CSMD1: variants seen among roughly 807,000 people sequenced by gnomAD.
The protein encoded by CSMD1 is CUB and Sushi multiple domains 1, also known as CUB and sushi domain-containing protein 1.
A neutral mutation model predicts 417.5 loss-of-function variants in CSMD1; 213 were observed. The ratio of observed to expected loss-of-function variants is 0.51; its 90% CI spans 0.46 to 0.57. The LOEUF (loss-of-function observed/expected upper bound fraction) is 0.57. CSMD1 is among the 20% of genes least tolerant of loss of function. The pLI is 0.00. For missense variants in CSMD1, 6,923 were observed against 4,529.7 expected (o/e 1.53, Z -15.17); for synonymous variants, 2,862 against 1,736.8 (o/e 1.65, Z -16.11).
intron 5 of CSMD1, among the ~76,000 whole-genome samples, chr8:3,795,082 G>A (rs529717437): frequency 7.0e-6 from 1 of 142,334 alleles, no homozygotes; most frequent in Admixed American, 7.3e-5. Context: ...ATCATGTACA[G>A]CTATAGATAT....
In CSMD1 at chr8:3,821,872, G is replaced by A. The variant is rs1209891044; in HGVS notation, c.819-67830C>T. 7.2e-5 allele frequency among the ~76,000 whole-genome samples: 11 copies of A among 152,266 alleles called. 2 individuals carry two copies. In the South Asian group the frequency reaches 1.7e-3, roughly 23 times the overall value. ...GGCAAGGAATATGGGAAAGTCACACGGAGAAGGTAAAAACCATGAACTGTG... is the reference window on the plus strand; with the variant it reads ...GGCAAGGAATATGGGAAAGTCACACAGAGAAGGTAAAAACCATGAACTGTG... On this transcript the variant is annotated intron_variant, in intron 5 of 69. Transcript: ENST00000635120.
At chr8:3,789,329 A>T (rs2129066744) in intron 5 of CSMD1, among the ~76,000 whole-genome samples, 1 of 150,266 alleles carries the variant, frequency 6.7e-6, no homozygotes, top group Admixed American at 6.6e-5. Context: ...CAACAGACTA[A>T]TACAGAGAAT....
chr8:3,848,518 C>G (rs779394211), intron 5 of CSMD1, among the ~76,000 whole-genome samples: 1 of 152,124 alleles, frequency 6.6e-6, no homozygotes, highest in Non-Finnish European at 1.5e-5. Context: ...TAGCAAAAGC[C>G]TGAGAAGTTA....
chr8:4,398,609 A>G (rs1437405774), intron 3 of CSMD1, among the ~76,000 whole-genome samples: 1 of 151,686 alleles, frequency 6.6e-6, no homozygotes, highest in Admixed American at 6.6e-5. Context: ...GTTAGCCAGG[A>G]TTGTCTCGAT....
chr8:4,346,830 T>G (rs562052561), intron 3 of CSMD1, among the ~76,000 whole-genome samples: 1 of 152,218 alleles, frequency 6.6e-6, no homozygotes, highest in Non-Finnish European at 1.5e-5. Context: ...TCCAAGGGGA[T>G]TGAGACTGAG....
intron 23 of CSMD1, among the ~76,000 whole-genome samples, chr8:3,332,385 A>C (rs758359332): frequency 2.0e-5 from 3 of 152,174 alleles, no homozygotes; most frequent in Non-Finnish European, 2.9e-5. Context: ...GACATCTCTG[A>C]GTCTCTCCAG....
chr8:3,703,210 G>C (rs1166642334), intron 7 of CSMD1, among the ~76,000 whole-genome samples: 1 of 152,144 alleles, frequency 6.6e-6, no homozygotes, highest in African/African-American at 2.4e-5. Flanking sequence ...CCGCACAGAA[G>C]AGTTGAAATA....
intron 3 of CSMD1, among the ~76,000 whole-genome samples, chr8:4,388,008 C>G (rs1803572666): frequency 6.6e-6 from 1 of 152,076 alleles, no homozygotes; most frequent in African/African-American, 2.4e-5. Context: ...ATAATTGAAT[C>G]CATTTACACC....
rs553864521 is a variant in CSMD1, at chr8:4,081,292, C to T, written c.416-49193G>A. ...ACGCCCAGCGATTCTCGTCTCCTAG[C>T]AGGTAAGCTCTATGGTCCCCTCCCA... On this transcript the variant is annotated intron_variant, in intron 3 of 69. Coordinates refer to ENST00000635120, the MANE Select transcript of CSMD1 (RefSeq NM_033225.6). Among the ~76,000 whole-genome samples the T allele has an allele frequency of 2.0e-4, 31 of 152,310 alleles. No homozygotes were observed. The South Asian group carries it at 5.4e-3, about 26-fold the overall frequency.
At chr8:4,591,755 C>A (rs1337645427) in intron 2 of CSMD1, among the ~76,000 whole-genome samples, 1 of 152,048 alleles carries the variant, frequency 6.6e-6, no homozygotes, top group Non-Finnish European at 1.5e-5. Flanking sequence ...GGGATAGGAT[C>A]TGTTTTGGAA....
chr8:3,759,725 C>G (rs1311446157), intron 5 of CSMD1, among the ~76,000 whole-genome samples: 1 of 145,926 alleles, frequency 6.9e-6, no homozygotes, highest in Non-Finnish European at 1.5e-5. Context: ...GAAACACCAC[C>G]TCTACTAAAA....
chr8:3,750,668 C>G (rs1797294452), intron 6 of CSMD1, among the ~76,000 whole-genome samples: 1 of 152,128 alleles, frequency 6.6e-6, no homozygotes, highest in Non-Finnish European at 1.5e-5. Context: ...CCCTGCTTGA[C>G]AGAAGGTTTC....
At position 3,142,334 on chromosome 8, in the gene CSMD1, C is replaced by G; in HGVS notation, c.6241+131G>C. ...CAAGTGTTCCACTACTAACCAGAAA[C>G]CAACATTCCACCAAAAAATTATTCC... is the stretch of plus-strand genomic sequence containing the variant. On this transcript the variant is annotated intron_variant, in intron 41 of 69. Transcript: ENST00000635120. 9 of 820,622 alleles carry G rather than the reference C, an allele frequency of 1.1e-5. No individual in the cohort carries two copies. The South Asian group carries it at 1.4e-4, about 13-fold the overall frequency. The allele number at this position is 820,622 out of a possible 1,614,324, so 50.8% of individuals were successfully genotyped here.
chr8:4,211,346 T>C (rs1176569176), intron 3 of CSMD1, among the ~76,000 whole-genome samples: 1 of 152,114 alleles, frequency 6.6e-6, no homozygotes, highest in East Asian at 1.9e-4. Context: ...TCTTTACATT[T>C]CTTTTATTCC....
At position 3,299,051 on chromosome 8, in the gene CSMD1, A is replaced by G. The variant is rs1030450503; in HGVS notation, c.3950+8644T>C. ...TCATGACTCCAACAAAAAATATGAT[A>G]CAACAAAACTTAAATGTAGGTAAGT... On this transcript the variant is annotated intron_variant, in intron 25 of 69. Coordinates refer to ENST00000635120, the MANE Select transcript of CSMD1 (RefSeq NM_033225.6). 3.3e-5 allele frequency among the ~76,000 whole-genome samples: 5 copies of G among 152,340 alleles called. No individual in the cohort carries two copies. In the East Asian group the frequency reaches 9.6e-4, roughly 29 times the overall value.
chr8:3,621,488 C>A (rs755709350), intron 7 of CSMD1, among the ~76,000 whole-genome samples: 1 of 151,972 alleles, frequency 6.6e-6, no homozygotes, highest in Non-Finnish European at 1.5e-5. Flanking sequence ...AGTACTTCAG[C>A]GGAGTATGAT....
chr8:4,335,680 C>A (rs946091031), intron 3 of CSMD1, among the ~76,000 whole-genome samples: 1 of 151,966 alleles, frequency 6.6e-6, no homozygotes, highest in African/African-American at 2.4e-5. Context: ...GTATATTGTG[C>A]AAAATTGTTA....
intron 23 of CSMD1, among the ~76,000 whole-genome samples, chr8:3,313,287 C>A (rs1008831915): frequency 8.5e-5 from 13 of 152,092 alleles, no homozygotes; most frequent in African/African-American, 2.2e-4. Flanking sequence ...ATTAAACTAA[C>A]GAGGTTCTGC....
At chr8:3,730,648 C>A (rs868444658) in intron 6 of CSMD1, among the ~76,000 whole-genome samples, 1 of 152,188 alleles carries the variant, frequency 6.6e-6, no homozygotes, top group African/African-American at 2.4e-5. Context: ...TACATTTCTT[C>A]TGACAGATTG....
Sources: allele counts gnomAD v4.1 joint callset (sites outside exome capture counted in the v4.1 genomes callset), GRCh38; gene constraint gnomAD v4.1.1; transcripts MANE v1.5; gene names NCBI Gene and HGNC (gene_info 2026-07-23, HGNC 2026-07-21).